Variants in WDR7 observed in about 807,000 individuals in gnomAD.
WDR7 encodes the protein WD repeat domain 7.
WDR7 carries 46 observed loss-of-function variants against 169.4 expected under a neutral mutation model. The ratio of observed to expected loss-of-function variants is 0.27; its 90% CI spans 0.21 to 0.35. The LOEUF is 0.35. Ranked by LOEUF, WDR7 falls within the 10% of genes least tolerant of loss-of-function variation. The pLI is 1.00. For synonymous variants in WDR7, 612 were observed against 666.8 expected, an observed-to-expected ratio of 0.92 and a Z score of 1.27; for missense variants, 1,534 against 1,859.3, an observed-to-expected ratio of 0.83 and a Z score of 3.22.
intron 14 of WDR7, among the ~76,000 whole-genome samples, chr18:56,734,473 A>G (rs2026653781): frequency 6.6e-6 from 1 of 151,776 alleles, no homozygotes. Flanking sequence ...AGACGTTGTC[A>G]AATTTCCCTT....
intron 12 of WDR7, among the ~76,000 whole-genome samples, chr18:56,716,030 A>AGTGTGTGTGT (rs10572330): frequency 4.2e-4 from 62 of 146,694 alleles, no homozygotes; most frequent in East Asian, 3.2e-3. Context: ...CATACGTAGC[A>AGTGTGTGTGT]GTGTGTGTGT....
intron 21 of WDR7, among the ~76,000 whole-genome samples, chr18:56,880,474 A>G (rs1311740980): frequency 6.6e-6 from 1 of 152,240 alleles, no homozygotes; most frequent in Admixed American, 6.5e-5. Context: ...AGCTTTTAAA[A>G]TAATTTCTGG....
At chr18:56,730,185 A>T (rs993635918) in intron 13 of WDR7, among the ~76,000 whole-genome samples, 11 of 152,170 alleles carry the variant, frequency 7.2e-5, no homozygotes, top group Non-Finnish European at 1.6e-4. Flanking sequence ...GAAACTCTCT[A>T]GCTTTTGTGC....
chr18:56,758,697 C>T (rs752183156), intron 15 of WDR7, among the ~76,000 whole-genome samples, 168 bp from the exon 16 acceptor site: 1 of 151,874 alleles, frequency 6.6e-6, no homozygotes, highest in Non-Finnish European at 1.5e-5. Context: ...AAATGGAAAA[C>T]GTTAATAGGT....
intron 1 of WDR7, among the ~76,000 whole-genome samples, chr18:56,663,898 G>A (rs2024964502): frequency 6.6e-6 from 1 of 152,124 alleles, no homozygotes; most frequent in East Asian, 1.9e-4. Flanking sequence ...AGGTAACAGG[G>A]TTAAGTCTTT....
intron 12 of WDR7, among the ~76,000 whole-genome samples, chr18:56,710,273 GA>G (rs2144707895): frequency 6.6e-6 from 1 of 152,194 alleles, no homozygotes; most frequent in African/African-American, 2.4e-5. Context: ...AAAGTGCTGG[GA>G]TTACAGGCGT....
Position 56,695,013 on chromosome 18 carries a change from C to T in WDR7, c.1172C>T (p.Ala391Val). The T allele has an allele frequency of 1.2e-6, 2 of 1,614,124 alleles. No homozygotes were observed. Among genetic ancestry groups the T allele is most frequent in the Non-Finnish European group, 1.7e-6 (2 of 1,180,030 alleles). ...EAFDKLNPCPAGIIDQLSVIP... is the reference protein window; with the variant it reads ...EAFDKLNPCPVGIIDQLSVIP... Reference sequence around the variant, plus strand: ...TTTGATAAACTGAATCCTTGTCCTGCTGGAATTATAGATCAGCTGAGTGTG... The same window carrying T: ...TTTGATAAACTGAATCCTTGTCCTGTTGGAATTATAGATCAGCTGAGTGTG... The change falls in exon 11 of 28, where the codon GCT becomes GTT. Residue 391 changes from alanine (A) to valine (V), a missense_variant. Coordinates refer to ENST00000254442, the MANE Select transcript of WDR7 (RefSeq NM_015285.3).
chr18:57,015,642 A>G (rs1271803153), intron 26 of WDR7, among the ~76,000 whole-genome samples: 4 of 152,214 alleles, frequency 2.6e-5, no homozygotes, highest in Non-Finnish European at 5.9e-5. Flanking sequence ...TCAGAAAGGC[A>G]TGCAAATCAG....
chr18:57,006,923 G>A (rs118097678), intron 26 of WDR7, among the ~76,000 whole-genome samples: 5,696 of 151,492 alleles, frequency 0.038, 130 homozygotes, highest in Non-Finnish European at 0.053. Context: ...ATACAGGCAT[G>A]TACATCCACA....
chr18:56,686,113 T>A, intron 6 of WDR7, 81 bp downstream of exon 6: 1 of 1,111,770 alleles, frequency 9.0e-7, no homozygotes, highest in South Asian at 1.7e-5. Flanking sequence ...GCCCCTTCCA[T>A]TTTTTTTAAG....
intron 26 of WDR7, among the ~76,000 whole-genome samples, chr18:56,994,981 C>CT (rs1393947922): frequency 1.3e-5 from 2 of 152,142 alleles, no homozygotes. Flanking sequence ...AATTTAGAAT[C>CT]TAAGTTGCTA....
intron 20 of WDR7, among the ~76,000 whole-genome samples, chr18:56,851,088 G>A (rs1334988688): frequency 2.7e-5 from 4 of 149,448 alleles, no homozygotes; most frequent in Non-Finnish European, 5.9e-5. Flanking sequence ...CCTCCCTGCT[G>A]CCAAAATGAT....
At chr18:56,864,244 C>T (rs947273310) in intron 20 of WDR7, among the ~76,000 whole-genome samples, 1 of 151,566 alleles carries the variant, frequency 6.6e-6, no homozygotes, top group African/African-American at 2.4e-5. Context: ...CTAAAATATA[C>T]TTTTATTTGT....
chr18:56,737,415 T>C (rs912060400), intron 14 of WDR7, among the ~76,000 whole-genome samples: 2 of 152,310 alleles, frequency 1.3e-5, no homozygotes, highest in Non-Finnish European at 2.9e-5. Flanking sequence ...CTACTGTGTG[T>C]AATTTTCTGT....
chr18:56,681,492 G>A, intron 4 of WDR7, 101 bp downstream of exon 4: 3 of 726,236 alleles, frequency 4.1e-6, no homozygotes, highest in Non-Finnish European at 6.1e-6. Flanking sequence ...GAAAAATGGT[G>A]GGTGGTAGTA....
At chr18:56,818,417 CA>C (rs2145225415) in intron 20 of WDR7, among the ~76,000 whole-genome samples, 1 of 152,304 alleles carries the variant, frequency 6.6e-6, no homozygotes, top group South Asian at 2.1e-4. Context: ...ATTAATGCTA[CA>C]TACACTATAT....
At chr18:56,894,623 T>C (rs2046306509) in intron 21 of WDR7, among the ~76,000 whole-genome samples, 1 of 152,124 alleles carries the variant, frequency 6.6e-6, no homozygotes, top group Admixed American at 6.6e-5. Context: ...TTTGTTGCCT[T>C]CCAACATCCT....
intron 19 of WDR7, among the ~76,000 whole-genome samples, chr18:56,812,655 A>G (rs1417367197): frequency 6.6e-6 from 1 of 152,192 alleles, no homozygotes; most frequent in East Asian, 1.9e-4. Flanking sequence ...CTGAGAACCT[A>G]CAGGGTTGCT....
intron 26 of WDR7, among the ~76,000 whole-genome samples, chr18:56,969,238 C>G (rs2047451260): frequency 6.6e-6 from 1 of 152,206 alleles, no homozygotes. Flanking sequence ...CTCTCCTTCA[C>G]CTGTCCATAT....
Sources: allele counts gnomAD v4.1 joint callset (sites outside exome capture counted in the v4.1 genomes callset), GRCh38; gene constraint gnomAD v4.1.1; transcripts MANE v1.5; gene names NCBI Gene and HGNC (gene_info 2026-07-23, HGNC 2026-07-21).